MGMT: variants seen among roughly 807,000 people sequenced by gnomAD.
MGMT encodes the protein O-6-methylguanine-DNA methyltransferase.
Under a neutral mutation model 15.9 loss-of-function variants are expected in MGMT, and 14 were observed. The observed-to-expected ratio is 0.88, with a 90% confidence interval of 0.58 to 1.37. The LOEUF (loss-of-function observed/expected upper bound fraction) is 1.37, where lower values mean the gene tolerates loss of function less well. MGMT is among the 40% of genes most tolerant of loss of function. MGMT has a pLI of 0.00. For synonymous variants in MGMT, 130 were observed against 118.2 expected (o/e 1.10, Z -0.65); for missense variants, 282 against 268.1 (o/e 1.05, Z -0.36).
At chr10:129,711,195 G>C (rs937090229) in intron 3 of MGMT, among the ~76,000 whole-genome samples, 28 of 152,188 alleles carry the variant, frequency 1.8e-4, no homozygotes, top group African/African-American at 6.8e-4. Flanking sequence ...TTCCTCTCTG[G>C]AACGAACATG....
intron 4 of MGMT, among the ~76,000 whole-genome samples, chr10:129,765,101 C>T (rs1848918255): frequency 6.6e-6 from 1 of 152,254 alleles, no homozygotes; most frequent in South Asian, 2.1e-4. Context: ...CACGGAGCAG[C>T]CACTGTGATG....
intron 2 of MGMT, among the ~76,000 whole-genome samples, chr10:129,697,451 T>C (rs1199668990): frequency 6.6e-6 from 1 of 152,042 alleles, no homozygotes; most frequent in Non-Finnish European, 1.5e-5. Flanking sequence ...CTGTCCCTTA[T>C]GCGTTTGGTA....
At chr10:129,735,090 A>T (rs1848544681) in intron 3 of MGMT, among the ~76,000 whole-genome samples, 1 of 152,158 alleles carries the variant, frequency 6.6e-6, no homozygotes, top group African/African-American at 2.4e-5. Context: ...TGAGTTAGGG[A>T]GGATTCCCTC....
chr10:129,478,509 A>G (rs950469130), intron 1 of MGMT, among the ~76,000 whole-genome samples: 2 of 152,228 alleles, frequency 1.3e-5, no homozygotes, highest in African/African-American at 4.8e-5. Flanking sequence ...GTAGATAGAA[A>G]AGGTTAAATT....
intron 2 of MGMT, among the ~76,000 whole-genome samples, chr10:129,602,340 A>G (rs963102173): frequency 6.6e-6 from 1 of 152,014 alleles, no homozygotes; most frequent in Admixed American, 6.6e-5. Flanking sequence ...GGCATTTGAG[A>G]CCTCTGGGTA....
rs1383574301 is a variant in MGMT at position 129,740,719 on chromosome 10, T to C, written c.275-18483T>C. 4.6e-5 allele frequency among the ~76,000 whole-genome samples: 7 copies of C among 151,986 alleles called. No individual in the cohort carries two copies. In the South Asian group the frequency reaches 1.0e-3, roughly 23 times the overall value. The stretch of plus-strand genomic sequence containing the variant: ...TGCAGAGAGGCTTTCAGGAGAGCGC[T>C]GGCCCCACCTGCAGGCCCCCAGGGC... On this transcript the variant is annotated intron_variant, in intron 3 of 4. Coordinates refer to ENST00000651593, the MANE Select transcript of MGMT (RefSeq NM_002412.5).
intron 2 of MGMT, among the ~76,000 whole-genome samples, chr10:129,588,025 C>A (rs1204470929): frequency 1.3e-5 from 2 of 152,160 alleles, no homozygotes; most frequent in Admixed American, 1.3e-4. Flanking sequence ...TCTTTTGGAT[C>A]ATGCTTTGAA....
At chr10:129,520,060 G>A (rs1327640993) in intron 1 of MGMT, among the ~76,000 whole-genome samples, 1 of 152,210 alleles carries the variant, frequency 6.6e-6, no homozygotes, top group African/African-American at 2.4e-5. Context: ...CAGCATCACT[G>A]TTGAGGTTGT....
At chr10:129,538,796 T>C (rs534598739) in intron 2 of MGMT, among the ~76,000 whole-genome samples, 563 of 152,190 alleles carry the variant, frequency 3.7e-3, no homozygotes, top group Non-Finnish European at 5.1e-3. Flanking sequence ...CCGCCACACC[T>C]GGCTAATTTT....
intron 2 of MGMT, among the ~76,000 whole-genome samples, chr10:129,610,299 A>G (rs2133067853): frequency 6.6e-6 from 1 of 152,322 alleles, no homozygotes; most frequent in East Asian, 1.9e-4. Context: ...ATAGCCTGTC[A>G]GGCCCATGTC....
At chr10:129,555,171 G>A (rs903489659) in intron 2 of MGMT, among the ~76,000 whole-genome samples, 3 of 152,082 alleles carry the variant, frequency 2.0e-5, no homozygotes, top group East Asian at 1.9e-4. Context: ...TGCCCTACCC[G>A]CTGCCCACAT....
chr10:129,529,674 A>AC (rs1845908674), intron 1 of MGMT, among the ~76,000 whole-genome samples: 1 of 151,844 alleles, frequency 6.6e-6, no homozygotes, highest in Non-Finnish European at 1.5e-5. Flanking sequence ...TTTTTAACTC[A>AC]GAATTATTTT....
rs535877078 is a variant in MGMT at position 129,597,286 on chromosome 10, C to G, written c.125+60909C>G. Among the ~76,000 whole-genome samples, 4 of 152,206 alleles carry G rather than the reference C, an allele frequency of 2.6e-5. No homozygotes were observed. In the South Asian group the frequency reaches 8.3e-4, roughly 32 times the overall value. Reference sequence around the variant, plus strand: ...TAAAAGTTCATCTGGATCTCAACCTCGCGTGAAATTGCAGAGCTACGACTG... The same window carrying G: ...TAAAAGTTCATCTGGATCTCAACCTGGCGTGAAATTGCAGAGCTACGACTG... On this transcript the variant is annotated intron_variant, in intron 2 of 4. Coordinates refer to ENST00000651593, the MANE Select transcript of MGMT (RefSeq NM_002412.5).
intron 2 of MGMT, among the ~76,000 whole-genome samples, chr10:129,582,144 C>T (rs1357492388): frequency 1.3e-5 from 2 of 152,186 alleles, no homozygotes; most frequent in East Asian, 1.9e-4. Context: ...GGACATCATT[C>T]GGACGCTTTC....
intron 1 of MGMT, among the ~76,000 whole-genome samples, chr10:129,473,788 G>A (rs1487480674): frequency 1.3e-5 from 2 of 152,230 alleles, no homozygotes; most frequent in Non-Finnish European, 2.9e-5. Flanking sequence ...CGTAGCTGAG[G>A]CTGGGTGCAG....
At chr10:129,516,282 G>C (rs1307924559) in intron 1 of MGMT, among the ~76,000 whole-genome samples, 8 of 152,216 alleles carry the variant, frequency 5.3e-5, no homozygotes, top group African/African-American at 1.9e-4. Context: ...TGTTGCCACA[G>C]AGGAGCACAT....
At chr10:129,683,055 G>A (rs1394650791) in intron 2 of MGMT, among the ~76,000 whole-genome samples, 2 of 152,186 alleles carry the variant, frequency 1.3e-5, no homozygotes, top group Non-Finnish European at 2.9e-5. Context: ...CACCATGTTG[G>A]CCAGGCTGGC....
chr10:129,546,365 A>G (rs1002106715), intron 2 of MGMT, among the ~76,000 whole-genome samples: 3 of 152,212 alleles, frequency 2.0e-5, no homozygotes, highest in African/African-American at 7.2e-5. Flanking sequence ...CCGAGTTAGG[A>G]CATCACTGGG....
rs531572550 is a variant in MGMT at position 129,610,217 on chromosome 10, A to G, written c.125+73840A>G. Among the ~76,000 whole-genome samples, 4 of 152,300 alleles carry G rather than the reference A, an allele frequency of 2.6e-5. No individual in the cohort carries two copies. The South Asian group carries it at 6.2e-4, about 24-fold the overall frequency. On this transcript the variant is annotated intron_variant, in intron 2 of 4. Transcript: ENST00000651593. ...GAATTTATTGATTTTTTGAGACACT[A>G]TCATATTCTAACAATTGCACCTTAT...
Sources: allele counts gnomAD v4.1 joint callset (sites outside exome capture counted in the v4.1 genomes callset), GRCh38; gene constraint gnomAD v4.1.1; transcripts MANE v1.5; gene names NCBI Gene and HGNC (gene_info 2026-07-23, HGNC 2026-07-21).